ADAMTSL1: variants seen among roughly 807,000 people sequenced by gnomAD.
ADAMTSL1 encodes the protein ADAMTS-like protein 1.
In ADAMTSL1, 126 loss-of-function variants were observed where a neutral mutation model predicts 201.8. That is an observed-to-expected ratio of 0.62 (90% confidence interval 0.54 to 0.72). The LOEUF is 0.72. Ranked by LOEUF, ADAMTSL1 falls within the 30% of genes least tolerant of loss-of-function variation. ADAMTSL1 has a pLI of 0.00. For synonymous variants in ADAMTSL1, 1,121 were observed against 903.4 expected, an observed-to-expected ratio of 1.24 and a Z score of -4.32; for missense variants, 2,679 against 2,277.8, an observed-to-expected ratio of 1.18 and a Z score of -3.59.
At position 18,859,572 on chromosome 9, in the gene ADAMTSL1, T is replaced by TATCA. The variant is rs1554649782; in HGVS notation, c.4250-28258_4250-28255dup. 2.2e-4 allele frequency among the ~76,000 whole-genome samples: 34 copies of TATCA among 152,320 alleles called. No individual in the cohort carries two copies. The East Asian group carries it at 6.5e-3, about 29-fold the overall frequency. ...GATCAAAGAATTAAATAATATATAC[T>TATCA]ATCATGCATTGTTGCCCAAAACGTA... On this transcript the variant is annotated intron_variant, in intron 23 of 28. Coordinates refer to ENST00000380548, the MANE Select transcript of ADAMTSL1 (RefSeq NM_001040272.6).
At position 18,504,134 on chromosome 9, in the gene ADAMTSL1, A is replaced by T. The variant is rs114715119; in HGVS notation, c.64-695A>T. Among the ~76,000 whole-genome samples, 1,044 of 152,246 alleles carry T rather than the reference A, an allele frequency of 6.9e-3. 9 individuals carry two copies. The highest frequency in any genetic ancestry group is 0.024 in the African/African-American group (987 of 41,526). ...TTGTACCCAAACTCAGATAATTTGTAACTCCAGAGCCTGTTCTCTTAACTA... is the reference window on the plus strand; with the variant it reads ...TTGTACCCAAACTCAGATAATTTGTTACTCCAGAGCCTGTTCTCTTAACTA... On this transcript the variant is annotated intron_variant, in intron 1 of 28. Coordinates refer to ENST00000380548, the MANE Select transcript of ADAMTSL1 (RefSeq NM_001040272.6).
intron 1 of ADAMTSL1, among the ~76,000 whole-genome samples, chr9:18,148,404 A>T (rs1031061979): frequency 6.6e-6 from 1 of 151,938 alleles, no homozygotes; most frequent in Non-Finnish European, 1.5e-5. Context: ...TAAAACAGAA[A>T]TGTCTCTTAA....
chr9:18,271,751 A>G, intron 2 of ADAMTSL1, among the ~76,000 whole-genome samples: 1 of 152,150 alleles, frequency 6.6e-6, no homozygotes. Context: ...GGATCACCAC[A>G]CTGTCTTCCA....
chr9:18,638,882 G>T (rs1827265103), intron 6 of ADAMTSL1, among the ~76,000 whole-genome samples: 2 of 152,058 alleles, frequency 1.3e-5, no homozygotes, highest in Non-Finnish European at 2.9e-5. Context: ...GAAAACTGGA[G>T]GGTATCCTAG....
At chr9:18,086,389 C>A (rs1823771682) in intron 1 of ADAMTSL1, among the ~76,000 whole-genome samples, 2 of 151,676 alleles carry the variant, frequency 1.3e-5, no homozygotes, top group African/African-American at 4.9e-5. Flanking sequence ...GTGCTTGGTA[C>A]AGATAATTTA....
intron 4 of ADAMTSL1, among the ~76,000 whole-genome samples, chr9:18,575,256 G>T (rs1009943555): frequency 6.6e-6 from 1 of 152,124 alleles, no homozygotes; most frequent in Non-Finnish European, 1.5e-5. Flanking sequence ...GAGATGTCAG[G>T]CAAGGTTTTA....
intron 2 of ADAMTSL1, among the ~76,000 whole-genome samples, chr9:18,462,331 A>G (rs545397636): frequency 1.3e-5 from 2 of 152,342 alleles, no homozygotes; most frequent in African/African-American, 4.8e-5. Context: ...TGATCATTCA[A>G]CAAATATTTA....
At chr9:18,454,556 C>G (rs141774900) in intron 2 of ADAMTSL1, among the ~76,000 whole-genome samples, 3 of 152,100 alleles carry the variant, frequency 2.0e-5, no homozygotes, top group Non-Finnish European at 4.4e-5. Context: ...GCAAATGTCT[C>G]GATATGTCTG....
In ADAMTSL1 at chr9:18,006,758, T is replaced by C. The variant is rs542767192; in HGVS notation, c.87+99836T>C. 5.3e-5 allele frequency among the ~76,000 whole-genome samples: 8 copies of C among 152,132 alleles called. No homozygotes were observed. The South Asian group carries it at 1.5e-3, about 28-fold the overall frequency. On this transcript the variant is annotated intron_variant, in intron 1 of 29. Coordinates refer to the ADAMTSL1 transcript ENST00000680146. The stretch of plus-strand genomic sequence containing the variant: ...ACCAGAAGCAGAGTCTGTGATTATG[T>C]CAACTGTTTTCTTAGCTGCATACTT...
In ADAMTSL1 at chr9:18,844,538, A is replaced by G. The variant is rs975786212; in HGVS notation, c.4249+14561A>G. ...TGCCCATTCTCAGATCTCCAGCTGC[A>G]TGCTGGGAGAACCACTGCTCTCTTC... On this transcript the variant is annotated intron_variant, in intron 23 of 28. Transcript: ENST00000380548. Among the ~76,000 whole-genome samples, 6 of 152,308 alleles carry G rather than the reference A, an allele frequency of 3.9e-5. No homozygotes were observed. In the South Asian group the frequency reaches 8.3e-4, roughly 21 times the overall value.
intron 1 of ADAMTSL1, among the ~76,000 whole-genome samples, chr9:18,088,514 C>T (rs376421151): frequency 5.3e-5 from 8 of 152,214 alleles, no homozygotes; most frequent in Admixed American, 3.3e-4. Flanking sequence ...AGGAGTTAAA[C>T]GCCTACAACT....
At chr9:18,470,457 A>G (rs1458627340), upstream of ADAMTSL1, among the ~76,000 whole-genome samples, 2 of 152,124 alleles carry the variant, frequency 1.3e-5, no homozygotes, top group African/African-American at 4.8e-5. Context: ...ATCGAACTTC[A>G]CTGCATCCCT....
chr9:18,188,827 T>G (rs971858986), intron 2 of ADAMTSL1, among the ~76,000 whole-genome samples: 2 of 152,224 alleles, frequency 1.3e-5, no homozygotes, highest in African/African-American at 4.8e-5. Context: ...ATGATTAATT[T>G]GCTGAACACC....
intron 23 of ADAMTSL1, among the ~76,000 whole-genome samples, chr9:18,878,539 C>T (rs929265504): frequency 6.6e-6 from 1 of 152,220 alleles, no homozygotes; most frequent in African/African-American, 2.4e-5. Context: ...AGGTCAAATC[C>T]TTCTCCTGTG....
chr9:18,384,818 G>C (rs1278731915), intron 2 of ADAMTSL1, among the ~76,000 whole-genome samples: 1 of 152,082 alleles, frequency 6.6e-6, no homozygotes, highest in South Asian at 2.1e-4. Context: ...TGTGCTTAAT[G>C]AGCTCTCCTG....
intron 16 of ADAMTSL1, among the ~76,000 whole-genome samples, chr9:18,756,640 G>A (rs540538194): frequency 3.9e-5 from 6 of 152,312 alleles, no homozygotes; most frequent in Admixed American, 2.6e-4. Context: ...TTTCCATTTA[G>A]CAAGGATCTG....
At chr9:18,271,179 A>T (rs1832346082) in intron 2 of ADAMTSL1, among the ~76,000 whole-genome samples, 1 of 152,188 alleles carries the variant, frequency 6.6e-6, no homozygotes, top group Non-Finnish European at 1.5e-5. Flanking sequence ...TCAGATTTTT[A>T]TATACATATA....
In ADAMTSL1 at chr9:18,817,187, C is replaced by G. The variant is rs372136780; in HGVS notation, c.3884C>G (p.Thr1295Ser). Residue 1295 changes from threonine to serine, a missense_variant, in exon 21 of 29, where the codon ACC (threonine) becomes AGC (serine). By Grantham distance (58) the Thr-to-Ser change is moderately conservative. Coordinates refer to ENST00000380548, the MANE Select transcript of ADAMTSL1 (RefSeq NM_001040272.6). Reference protein sequence around the residue: ...KPAVTVDIGSTIKTVQGVNVT... With the variant: ...KPAVTVDIGSSIKTVQGVNVT... ...GCAGTCACAGTCGATATAGGAAGCA[C>G]CATCAAAACAGTGCAGGGAGTGAAT... The G allele has an allele frequency of 1.7e-5, 27 of 1,576,184 alleles. No homozygotes were observed. In the Middle Eastern group the frequency reaches 5.0e-4, roughly 29 times the overall value.
Position 18,272,009 on chromosome 9 carries a change from T to C in ADAMTSL1, c.207+108028T>C, listed in dbSNP as rs531568386. Among the ~76,000 whole-genome samples, 13 of 150,872 alleles carry C rather than the reference T, an allele frequency of 8.6e-5. No individual in the cohort carries two copies. In the South Asian group the frequency reaches 2.7e-3, roughly 32 times the overall value. ...GCGTCTGTTCATATCCTTCGCCCAC[T>C]TTTTGATGGGGTTGTTTGTTTTTTT... On this transcript the variant is annotated intron_variant, in intron 2 of 29. Coordinates refer to the ADAMTSL1 transcript ENST00000680146.
Sources: gnomAD v4.1 joint callset for allele counts (sites outside exome capture counted in the v4.1 genomes callset) on GRCh38, gnomAD v4.1.1 for gene constraint, MANE v1.5 for transcripts, NCBI Gene and HGNC (gene_info 2026-07-23, HGNC 2026-07-21) for gene names.